Variants in ACAD11 observed in about 807,000 individuals in gnomAD.
ACAD11 encodes acyl-Coenzyme A dehydrogenase family, member 11.
A neutral mutation model predicts 102.2 loss-of-function variants in ACAD11; 83 were observed. The ratio of observed to expected loss-of-function variants is 0.81; its 90% confidence interval spans 0.68 to 0.97. The LOEUF (loss-of-function observed/expected upper bound fraction) is 0.97, where lower values mean the gene tolerates loss of function less well. Among genes scored for constraint, ACAD11 ranks in the 50% least tolerant of loss-of-function variants. ACAD11 has a pLI of 0.00. For synonymous variants in ACAD11, 324 were observed against 319.8 expected (o/e 1.01, Z -0.14); for missense variants, 901 against 951.7 (o/e 0.95, Z 0.70).
At chr3:132,588,224 T>A (rs1178012527) in intron 13 of ACAD11, among the ~76,000 whole-genome samples, 2 of 151,650 alleles carry the variant, frequency 1.3e-5, no homozygotes, top group East Asian at 1.9e-4. Flanking sequence ...TATGTATGTA[T>A]GCATGTAGGT....
At chr3:132,572,682 T>C (rs1018725215) in intron 17 of ACAD11, among the ~76,000 whole-genome samples, 12 of 152,138 alleles carry the variant, frequency 7.9e-5, no homozygotes, top group African/African-American at 2.9e-4. Context: ...CATGGTACTG[T>C]TACAAAAACA....
intron 6 of ACAD11, among the ~76,000 whole-genome samples, chr3:132,630,815 G>A (rs1940009679): frequency 6.6e-6 from 1 of 152,196 alleles, no homozygotes; most frequent in African/African-American, 2.4e-5. Flanking sequence ...GATGGCTCAT[G>A]CCTATAATCC....
chr3:132,570,172 CACAGGCAAGCAA>C (rs1285795607), intron 17 of ACAD11, among the ~76,000 whole-genome samples: 1 of 152,102 alleles, frequency 6.6e-6, no homozygotes, highest in Non-Finnish European at 1.5e-5. Flanking sequence ...CCATAAGTCC[CACAGGCAAGCAA>C]ACATTCAGAA....
At chr3:132,631,217 T>C in intron 6 of ACAD11, 124 bp downstream of exon 6, 1 of 492,934 alleles carries the variant, frequency 2.0e-6, no homozygotes, top group African/African-American at 2.0e-5. Flanking sequence ...AAAATCATAA[T>C]AAAATAGAAA....
intron 13 of ACAD11, chr3:132,600,801 T>C (rs1559949997): frequency 3.7e-6 from 6 of 1,613,916 alleles, no homozygotes; most frequent in South Asian, 1.1e-5. Context: ...TGTATCAGCA[T>C]AGACAGATAT....
In ACAD11 at chr3:132,561,126, A is replaced by G. The variant is rs1289360526; in HGVS notation, c.2093T>C (p.Leu698Pro). The G allele has an allele frequency of 1.2e-6, 2 of 1,613,312 alleles. No individual in the cohort carries two copies. The highest frequency in any genetic ancestry group is 1.7e-6 in the Non-Finnish European group (2 of 1,179,568). Residue 698 changes from leucine (L) to proline (P), a missense_variant, in exon 18 of 20, where the codon CTG (leucine) becomes CCG (proline). Leu to Pro is a moderately conservative substitution (Grantham distance 98). Transcript: ENST00000264990. ...CTCTTTCTTAGCGCCAGCACTGCCC[A>G]GAGTGTCCATGCTGTGAGCAGCTTT... ...TLKAAHSMDT[L>P]GSAGAKKEIA... is the part of the protein sequence containing the mutation.
rs544036216 is a variant in ACAD11, at chr3:132,643,959, C to A, written c.249+838G>T. Among the ~76,000 whole-genome samples, 14 of 151,988 alleles carry A rather than the reference C, an allele frequency of 9.2e-5. No individual in the cohort carries two copies. The South Asian group carries it at 2.9e-3, about 32-fold the overall frequency. On this transcript the variant is annotated intron_variant, in intron 2 of 19. Transcript: ENST00000264990. ...ACAAATAAAACTGTTTATTGGGGCACGGGTGGGGATTTTCCTTCAGCCATA... is the reference window on the plus strand; with the variant it reads ...ACAAATAAAACTGTTTATTGGGGCAAGGGTGGGGATTTTCCTTCAGCCATA...
intron 7 of ACAD11, among the ~76,000 whole-genome samples, chr3:132,629,349 G>C (rs62291517): frequency 6.6e-6 from 1 of 152,148 alleles, no homozygotes; most frequent in African/African-American, 2.4e-5. Context: ...TAGTAGATAC[G>C]GGGTTTCACC....
intron 17 of ACAD11, among the ~76,000 whole-genome samples, chr3:132,562,054 G>C (rs1386106745): frequency 1.3e-5 from 2 of 152,042 alleles, no homozygotes; most frequent in African/African-American, 4.8e-5. Flanking sequence ...TGTATCAGTT[G>C]GTTTATCCAT....
At chr3:132,618,932 T>C (rs1939510283) in intron 10 of ACAD11, 160 bp from the exon 11 acceptor site, 2 of 552,798 alleles carry the variant, frequency 3.6e-6, no homozygotes, top group Non-Finnish European at 2.8e-6. Context: ...ACCAAGTTCT[T>C]ATTAATTCAT....
chr3:132,603,189 G>T, intron 13 of ACAD11, 40 bp downstream of exon 13: 2 of 1,433,826 alleles, frequency 1.4e-6, no homozygotes, highest in Non-Finnish European at 2.0e-6. Context: ...TGGAACAAAG[G>T]ATCAGTGTGT....
rs777905921 is a variant in ACAD11 at position 132,642,774 on chromosome 3, G to C, written c.278C>G (p.Ala93Gly). 35 of 1,612,830 alleles carry C rather than the reference G, an allele frequency of 2.2e-5. No individual in the cohort carries two copies. Among genetic ancestry groups the C allele is most frequent in the Non-Finnish European group, 2.7e-5 (32 of 1,179,540 alleles). Residue 93 changes from alanine (A) to glycine (G), a missense_variant, in exon 3 of 20, where the codon GCC (alanine) becomes GGC (glycine). By Grantham distance (60) the Ala-to-Gly change is moderately conservative. Coordinates refer to ENST00000264990, the MANE Select transcript of ACAD11 (RefSeq NM_032169.5). ...AACGGGGAATCCAATTGAAAACAAGGCTTTCTGGACTTTAAATTCTCTATC... is the reference window on the plus strand; with the variant it reads ...AACGGGGAATCCAATTGAAAACAAGCCTTTCTGGACTTTAAATTCTCTATC... ...QIDREFKVQK[A>G]LFSIGFPVPK...
intron 10 of ACAD11, among the ~76,000 whole-genome samples, chr3:132,619,225 A>T (rs1939520155): frequency 6.6e-6 from 1 of 152,196 alleles, no homozygotes; most frequent in Non-Finnish European, 1.5e-5. Context: ...CTAATAATGA[A>T]TAGTTTTAAT....
In ACAD11 at chr3:132,626,764, TG is replaced by T; in HGVS notation, c.1123del (p.Gln375ArgfsTer12). ...QIDTTGQLFV[Q>X]TRKGQEVLIK... ...AAGAACTTCCTGACCTTTCCGAGTC[TG>T]TACAAACAACTGTCCAGTAGTATCA... On this transcript the variant is annotated frameshift_variant, in exon 9 of 20. Transcript: ENST00000264990. LOFTEE classifies it high-confidence loss of function. 2 of 1,613,878 alleles carry T rather than the reference TG, an allele frequency of 1.2e-6. No individual in the cohort carries two copies. The highest frequency in any genetic ancestry group is 2.7e-5 in the African/African-American group (2 of 75,038).
chr3:132,640,688 C>T (rs1940459983), intron 4 of ACAD11, among the ~76,000 whole-genome samples: 2 of 152,134 alleles, frequency 1.3e-5, no homozygotes, highest in South Asian at 4.1e-4. Flanking sequence ...TTGATTGATG[C>T]AAGCCTCCCT....
intron 17 of ACAD11, among the ~76,000 whole-genome samples, chr3:132,571,229 T>A (rs1937365694): frequency 6.6e-6 from 1 of 152,186 alleles, no homozygotes; most frequent in African/African-American, 2.4e-5. Context: ...GGCTTTTTTT[T>A]TATTTGTATT....
chr3:132,584,450 T>C (rs918526316), intron 13 of ACAD11, among the ~76,000 whole-genome samples: 8 of 152,232 alleles, frequency 5.3e-5, no homozygotes, highest in Non-Finnish European at 1.2e-4. Flanking sequence ...AGCCTATGTG[T>C]GTCTCTGCAC....
At chr3:132,643,931 G>C (rs373436706) in intron 2 of ACAD11, among the ~76,000 whole-genome samples, 1 of 152,212 alleles carries the variant, frequency 6.6e-6, no homozygotes, top group East Asian at 1.9e-4. Flanking sequence ...ATCAAGAAAA[G>C]AGACAAATAA....
At chr3:132,579,010 A>T (rs1012213133) in intron 14 of ACAD11, 129 bp from the exon 15 acceptor site, 1 of 1,526,992 alleles carries the variant, frequency 6.5e-7, no homozygotes, top group Non-Finnish European at 8.8e-7. Context: ...CTGGAATGGG[A>T]ACTGTGTAAA....
Sources: allele counts gnomAD v4.1 joint callset (sites outside exome capture counted in the v4.1 genomes callset), GRCh38; gene constraint gnomAD v4.1.1; transcripts MANE v1.5; gene names NCBI Gene and HGNC (gene_info 2026-07-23, HGNC 2026-07-21).